TOX2: variants seen among roughly 807,000 people sequenced by gnomAD.
The protein encoded by TOX2 is TOX high mobility group box family member 2.
Under a neutral mutation model 47.4 loss-of-function variants are expected in TOX2, and 15 were observed. The ratio of observed to expected loss-of-function variants is 0.32; its 90% CI spans 0.21 to 0.49. TOX2 has a LOEUF of 0.49. Among genes scored for constraint, TOX2 ranks in the 20% least tolerant of loss-of-function variants. TOX2 has a pLI of 0.99. For missense variants in TOX2, 622 were observed against 673.1 expected (o/e 0.92, Z 0.84); for synonymous variants, 290 against 296.6 (o/e 0.98, Z 0.23).
intron 1 of TOX2, among the ~76,000 whole-genome samples, chr20:43,950,154 T>A (rs2069536293): frequency 6.6e-6 from 1 of 152,076 alleles, no homozygotes; most frequent in South Asian, 2.1e-4. Flanking sequence ...TCACATCTGC[T>A]CTGAGCAGAG....
intron 2 of TOX2, among the ~76,000 whole-genome samples, chr20:44,005,970 G>C (rs891986412): frequency 6.6e-5 from 10 of 152,114 alleles, no homozygotes; most frequent in African/African-American, 9.7e-5. Flanking sequence ...GACTGGAAAG[G>C]AAGGTGCACA....
chr20:43,968,810 G>A (rs189267789), intron 1 of TOX2, among the ~76,000 whole-genome samples: 1 of 152,302 alleles, frequency 6.6e-6, no homozygotes, highest in East Asian at 1.9e-4. Context: ...GTAAGAGGAT[G>A]TTCTCCTGGC....
chr20:44,017,574 G>A (rs2070901748), intron 3 of TOX2, among the ~76,000 whole-genome samples: 1 of 152,210 alleles, frequency 6.6e-6, no homozygotes. Flanking sequence ...TGGAGGTCAA[G>A]AACCACACCT....
chr20:44,012,558 A>G (rs1189347619), intron 3 of TOX2, among the ~76,000 whole-genome samples: 4 of 152,184 alleles, frequency 2.6e-5, no homozygotes, highest in Admixed American at 2.0e-4. Flanking sequence ...CAGGAGAGGT[A>G]TGCAGTGTCA....
At chr20:44,057,991 T>TCAA (rs58603206) in intron 5 of TOX2, among the ~76,000 whole-genome samples, 378 of 152,252 alleles carry the variant, frequency 2.5e-3, no homozygotes, top group African/African-American at 7.6e-3. Flanking sequence ...AGCAGAAAAA[T>TCAA]GGCAGGAAGG....
At chr20:43,946,314 A>G (rs186965376) in intron 1 of TOX2, among the ~76,000 whole-genome samples, 1 of 151,696 alleles carries the variant, frequency 6.6e-6, no homozygotes, top group East Asian at 2.0e-4. Flanking sequence ...TCATTCATTC[A>G]TTCATTCAGC....
intron 1 of TOX2, among the ~76,000 whole-genome samples, chr20:43,961,338 G>A (rs1046527598): frequency 2.0e-4 from 31 of 152,200 alleles, no homozygotes; most frequent in Admixed American, 1.2e-3. Flanking sequence ...GGATGGGCGC[G>A]TGATGGGTGG....
rs1379337256 is a variant in TOX2 at position 44,051,449 on chromosome 20, C to T, written c.555C>T (p.Ser185=). 2 of 1,614,034 alleles carry T rather than the reference C, an allele frequency of 1.2e-6. No homozygotes were observed. The highest frequency in any genetic ancestry group is 1.1e-5 in the South Asian group (1 of 91,060). The part of the protein sequence containing the change: ...QLISQMGIRS[S]IAHSSPSPPG... ...TCTCGCAGATGGGCATCCGGAGCAG[C>T]ATCGCCCACAGCTCCCCATCACCGC... Residue 185 remains serine (S), a synonymous_variant, in exon 4 of 9, where the codon AGC becomes AGT. Coordinates refer to ENST00000341197, the MANE Select transcript of TOX2 (RefSeq NM_001098797.2).
intron 5 of TOX2, among the ~76,000 whole-genome samples, chr20:44,055,650 G>A (rs564182981): frequency 6.6e-6 from 1 of 152,266 alleles, no homozygotes; most frequent in African/African-American, 2.4e-5. Context: ...AGACTGGAAC[G>A]GCAGCATAAG....
At chr20:43,929,316 G>A (rs923535888) in intron 1 of TOX2, among the ~76,000 whole-genome samples, 3 of 152,162 alleles carry the variant, frequency 2.0e-5, no homozygotes, top group Non-Finnish European at 4.4e-5. Context: ...CTGGTGAGTA[G>A]ATAACATCCA....
At chr20:44,039,674 G>A (rs1321553962) in intron 3 of TOX2, among the ~76,000 whole-genome samples, 6 of 152,330 alleles carry the variant, frequency 3.9e-5, no homozygotes, top group Non-Finnish European at 7.3e-5. Context: ...CAACAGGAAC[G>A]GGGTCCTGCT....
Position 44,065,593 on chromosome 20 carries a change from C to G in TOX2, c.961-119C>G, listed in dbSNP as rs1169038571. 10 of 1,260,944 alleles carry G rather than the reference C, an allele frequency of 7.9e-6. No homozygotes were observed. The East Asian group carries it at 1.4e-4, about 18-fold the overall frequency. The allele number at this position is 1,260,944 out of a possible 1,614,324, so 78.1% of individuals were successfully genotyped here. On this transcript the variant is annotated intron_variant, in intron 6 of 8. Coordinates refer to ENST00000341197, the MANE Select transcript of TOX2 (RefSeq NM_001098797.2). ...GCTATCTCTGGTTAGTCCAAGCTCT[C>G]TCCCAAGACAGCCAGCCAGCAGCCG...
chr20:43,976,431 T>G (rs1410600782), intron 2 of TOX2, among the ~76,000 whole-genome samples: 1 of 152,178 alleles, frequency 6.6e-6, no homozygotes, highest in African/African-American at 2.4e-5. Flanking sequence ...AATTGCAAGA[T>G]TTCTTGAGGT....
At chr20:44,037,481 C>A (rs967729108) in intron 3 of TOX2, among the ~76,000 whole-genome samples, 3 of 152,200 alleles carry the variant, frequency 2.0e-5, no homozygotes, top group Non-Finnish European at 2.9e-5. Flanking sequence ...GAAAACATCT[C>A]AGACTCAGAA....
At chr20:44,005,451 A>T (rs1215593777) in intron 2 of TOX2, among the ~76,000 whole-genome samples, 2 of 152,232 alleles carry the variant, frequency 1.3e-5, no homozygotes, top group African/African-American at 4.8e-5. Context: ...TAACCTTGTT[A>T]CTAAAACCCC....
At chr20:44,044,591 G>T (rs575823762) in intron 3 of TOX2, among the ~76,000 whole-genome samples, 95 of 152,212 alleles carry the variant, frequency 6.2e-4, no homozygotes, top group Middle Eastern at 3.4e-3. Context: ...CACCTATTAG[G>T]ATGGCTTCTA....
intron 3 of TOX2, among the ~76,000 whole-genome samples, chr20:44,029,757 C>T (rs2071121112): frequency 6.6e-6 from 1 of 152,294 alleles, no homozygotes; most frequent in African/African-American, 2.4e-5. Flanking sequence ...TCTCTCCCCT[C>T]GTGGTCCCAG....
At chr20:44,009,900 G>A (rs1386398834) in intron 3 of TOX2, among the ~76,000 whole-genome samples, 1 of 152,194 alleles carries the variant, frequency 6.6e-6, no homozygotes, top group East Asian at 1.9e-4. Flanking sequence ...GGGGTGAATG[G>A]AGACAGTGTG....
At chr20:43,940,816 C>T (rs1048695669) in intron 1 of TOX2, among the ~76,000 whole-genome samples, 3 of 152,186 alleles carry the variant, frequency 2.0e-5, no homozygotes, top group South Asian at 2.1e-4. Flanking sequence ...ACCTTAGAAG[C>T]GCAAAGCGGC....
Sources: gnomAD v4.1 joint callset for allele counts (sites outside exome capture counted in the v4.1 genomes callset) on GRCh38, gnomAD v4.1.1 for gene constraint, MANE v1.5 for transcripts, NCBI Gene and HGNC (gene_info 2026-07-23, HGNC 2026-07-21) for gene names.